MSI2: variants seen among roughly 807,000 people sequenced by gnomAD.
The protein encoded by MSI2 is RNA-binding protein Musashi homolog 2.
A neutral mutation model predicts 45.6 loss-of-function variants in MSI2; 17 were observed. The observed-to-expected ratio is 0.37, with a 90% CI of 0.26 to 0.56. The LOEUF is 0.56. MSI2 is among the 20% of genes least tolerant of loss of function. The pLI, the probability that MSI2 is intolerant of heterozygous loss-of-function variation, is 0.77. For missense variants in MSI2, 293 were observed against 444.2 expected (o/e 0.66, Z 3.06); for synonymous variants, 156 against 158.2 (o/e 0.99, Z 0.11).
intron 6 of MSI2, among the ~76,000 whole-genome samples, chr17:57,474,032 T>A (rs2085490485): frequency 2.0e-5 from 3 of 152,144 alleles, no homozygotes. Context: ...GTTTCTTGAA[T>A]GAATTTGCTT....
At chr17:57,456,029 G>T (rs150478567) in intron 6 of MSI2, among the ~76,000 whole-genome samples, 1 of 152,164 alleles carries the variant, frequency 6.6e-6, no homozygotes, top group Non-Finnish European at 1.5e-5. Flanking sequence ...CAGACGCCCC[G>T]CAGAGACAGC....
downstream of MSI2, among the ~76,000 whole-genome samples, chr17:57,685,267 C>T (rs142933680): frequency 9.2e-5 from 14 of 152,240 alleles, no homozygotes; most frequent in East Asian, 2.7e-3. Flanking sequence ...GAATTGAGAC[C>T]CAGTACATTG....
At chr17:57,551,388 A>G (rs1314299979) in intron 7 of MSI2, among the ~76,000 whole-genome samples, 1 of 151,974 alleles carries the variant, frequency 6.6e-6, no homozygotes, top group Non-Finnish European at 1.5e-5. Context: ...AGCCTCGGGG[A>G]TTGCTGCCGG....
chr17:57,650,892 C>T (rs1911095831), intron 10 of MSI2, among the ~76,000 whole-genome samples: 1 of 152,152 alleles, frequency 6.6e-6, no homozygotes, highest in African/African-American at 2.4e-5. Context: ...TTCCTCTCGT[C>T]CTGTAGAAAT....
At chr17:57,620,040 GTCT>G (rs1354015227) in intron 9 of MSI2, among the ~76,000 whole-genome samples, 4 of 152,194 alleles carry the variant, frequency 2.6e-5, no homozygotes, top group Non-Finnish European at 5.9e-5. Flanking sequence ...AGAGGCACTA[GTCT>G]TCTTCTAACC....
chr17:57,609,113 TCAC>T lies in MSI2; in HGVS notation c.538-6854_538-6852del, dbSNP rs201926691. ...ACTTGAGTAGCATCTCCCCTCCTCT[TCAC>T]CATCTCCCTGGGCAGGGCTCAGGGC... On this transcript the variant is annotated intron_variant, in intron 8 of 13. Coordinates refer to ENST00000284073, the MANE Select transcript of MSI2 (RefSeq NM_138962.4). Among the ~76,000 whole-genome samples, 1,450 of 152,246 alleles carry T rather than the reference TCAC, an allele frequency of 9.5e-3. 24 individuals carry two copies. Among genetic ancestry groups the T allele is most frequent in the Non-Finnish European group, 9.7e-3 (663 of 68,004 alleles).
chr17:57,677,369 G>A (rs940285312), intron 13 of MSI2, among the ~76,000 whole-genome samples: 3 of 152,136 alleles, frequency 2.0e-5, no homozygotes, highest in Non-Finnish European at 4.4e-5. Flanking sequence ...ATACAATCAA[G>A]AGTGTGGGAA....
intron 6 of MSI2, among the ~76,000 whole-genome samples, chr17:57,455,645 G>A (rs2085099677): frequency 1.3e-5 from 2 of 152,166 alleles, no homozygotes; most frequent in Non-Finnish European, 2.9e-5. Context: ...CTTGAGAGAT[G>A]TGGGGAGCAG....
At chr17:57,371,546 G>A (rs2083421167) in intron 5 of MSI2, among the ~76,000 whole-genome samples, 1 of 50,444 alleles carries the variant, frequency 2.0e-5, no homozygotes, top group African/African-American at 9.3e-5. Flanking sequence ...TAGAGACACA[G>A]GTATACACAC....
intron 5 of MSI2, among the ~76,000 whole-genome samples, chr17:57,310,335 A>AT (rs571801845): frequency 0.15 from 20,775 of 141,274 alleles, 2,786 homozygotes; most frequent in African/African-American, 0.35. Context: ...AGGTTGTGTT[A>AT]TTTTTTTTTT....
chr17:57,287,006 G>T (rs959676505), intron 5 of MSI2, among the ~76,000 whole-genome samples: 2 of 151,988 alleles, frequency 1.3e-5, no homozygotes, highest in African/African-American at 4.8e-5. Context: ...ACTGGCTCGC[G>T]CCGCAGAGAG....
At chr17:57,506,603 C>T (rs2086234279) in intron 6 of MSI2, among the ~76,000 whole-genome samples, 1 of 152,110 alleles carries the variant, frequency 6.6e-6, no homozygotes, top group Non-Finnish European at 1.5e-5. Context: ...CTTCCCCTGG[C>T]CTTCCGAGGG....
chr17:57,271,928 A>G (rs1241862432), intron 5 of MSI2, among the ~76,000 whole-genome samples: 1 of 152,106 alleles, frequency 6.6e-6, no homozygotes, highest in Non-Finnish European at 1.5e-5. Flanking sequence ...ATAGTTTCCT[A>G]AAGCACAGAA....
intron 6 of MSI2, among the ~76,000 whole-genome samples, chr17:57,436,621 GGGCAGCCCATGCTCGCC>G (rs1171527337): frequency 1.3e-5 from 2 of 152,216 alleles, no homozygotes; most frequent in Non-Finnish European, 2.9e-5. Context: ...CCCTGGGTCT[GGGCAGCCCATGCTCGCC>G]GAGGAGGCAG....
intron 5 of MSI2, among the ~76,000 whole-genome samples, chr17:57,310,095 TC>T (rs949307095): frequency 8.5e-5 from 13 of 152,332 alleles, no homozygotes; most frequent in African/African-American, 3.1e-4. Flanking sequence ...TCAAGCCCTT[TC>T]TGGTACTGTA....
At chr17:57,283,224 A>T (rs1815198) in intron 5 of MSI2, among the ~76,000 whole-genome samples, 10 of 151,804 alleles carry the variant, frequency 6.6e-5, no homozygotes, top group Non-Finnish European at 1.2e-4. Context: ...ATGCCATTTC[A>T]CTAAGGGCGG....
intron 5 of MSI2, chr17:57,263,940 A>G (rs898942132): frequency 2.6e-5 from 4 of 152,180 alleles, no homozygotes; most frequent in Admixed American, 1.3e-4. Context: ...ACTTCACTTT[A>G]CGGAGGACTT....
At chr17:57,351,060 G>A (rs756446395) in intron 5 of MSI2, among the ~76,000 whole-genome samples, 3 of 152,082 alleles carry the variant, frequency 2.0e-5, no homozygotes, top group African/African-American at 4.8e-5. Flanking sequence ...ACCTGTGGCC[G>A]AGGAGGAGTG....
At chr17:57,692,084 T>G in the MSI2 span, among the ~76,000 whole-genome samples, 1 of 152,234 alleles carries the variant, frequency 6.6e-6, no homozygotes, top group African/African-American at 2.4e-5. Context: ...TTTTGTCAAA[T>G]GTTCTTTGCA....
Sources: allele counts gnomAD v4.1 joint callset (sites outside exome capture counted in the v4.1 genomes callset), GRCh38; gene constraint gnomAD v4.1.1; transcripts MANE v1.5; gene names NCBI Gene and HGNC (gene_info 2026-07-23, HGNC 2026-07-21).